The following VAC14 variants were observed in gnomAD, a reference collection of about 807,000 sequenced individuals.
VAC14 encodes protein VAC14 homolog.
VAC14 carries 47 observed loss-of-function variants against 85.3 expected under a neutral mutation model. The ratio of observed to expected loss-of-function variants is 0.55; its 90% CI spans 0.44 to 0.70. The LOEUF (loss-of-function observed/expected upper bound fraction) is 0.70. Ranked by LOEUF, VAC14 falls within the 30% of genes least tolerant of loss-of-function variation. VAC14 has a pLI of 0.00. For synonymous variants in VAC14, 447 were observed against 430.5 expected (o/e 1.04, Z -0.47); for missense variants, 861 against 1,004.3 (o/e 0.86, Z 1.93).
chr16:70,727,866 T>G (rs1198280370), intron 14 of VAC14, among the ~76,000 whole-genome samples: 4 of 152,214 alleles, frequency 2.6e-5, no homozygotes, highest in African/African-American at 9.7e-5. Context: ...CTGGAGCTGG[T>G]TGACAATGGC....
At position 70,690,032 on chromosome 16, in the gene VAC14, TGGCAAGCC is replaced by T. The variant is rs2053568860; in HGVS notation, c.2187-1950_2187-1943del. ...TGTGCGTTGCTCCCCATGACACTCCTGGCAAGCCAAGGCCTTAGGTTAGGGGAGCTTAG... is the reference window on the plus strand; with the variant it reads ...TGTGCGTTGCTCCCCATGACACTCCTAAGGCCTTAGGTTAGGGGAGCTTAG... On this transcript the variant is annotated intron_variant, in intron 18 of 18. Coordinates refer to ENST00000261776, the MANE Select transcript of VAC14 (RefSeq NM_018052.5). 6 of 985,252 alleles carry T rather than the reference TGGCAAGCC, an allele frequency of 6.1e-6. No individual in the cohort carries two copies. In the East Asian group the frequency reaches 6.8e-4, roughly 112 times the overall value. The allele number at this position is 985,252 out of a possible 1,614,324, so 61.0% of individuals were successfully genotyped here.
chr16:70,796,306 A>G (rs1377165426), intron 1 of VAC14, among the ~76,000 whole-genome samples: 1 of 152,178 alleles, frequency 6.6e-6, no homozygotes, highest in Non-Finnish European at 1.5e-5. Context: ...AGTGTCTGAG[A>G]GGCCTGTCAT....
At position 70,728,367 on chromosome 16, in the gene VAC14, C is replaced by T. The variant is rs942969095; in HGVS notation, c.1661+3128G>A. On this transcript the variant is annotated intron_variant, in intron 14 of 18. Transcript: ENST00000261776. ...CTCCCACACAGAAGGGACAAAGTGGCGGCTGCTGAATTAGCAGAGTGCAGG... is the reference window on the plus strand; with the variant it reads ...CTCCCACACAGAAGGGACAAAGTGGTGGCTGCTGAATTAGCAGAGTGCAGG... Among the ~76,000 whole-genome samples, 15 of 152,186 alleles carry T rather than the reference C, an allele frequency of 9.9e-5. No individual in the cohort carries two copies. The East Asian group carries it at 2.5e-3, about 25-fold the overall frequency.
intron 14 of VAC14, among the ~76,000 whole-genome samples, chr16:70,720,811 T>A (rs529284743): frequency 6.6e-6 from 1 of 152,266 alleles, no homozygotes; most frequent in East Asian, 1.9e-4. Context: ...GAGCTGGAGC[T>A]CAAGACTGGG....
chr16:70,774,477 G>A (rs2033412089), intron 9 of VAC14, among the ~76,000 whole-genome samples: 1 of 152,058 alleles, frequency 6.6e-6, no homozygotes, highest in African/African-American at 2.4e-5. Flanking sequence ...GTGTCTGCTG[G>A]GTTTCTCCCC....
chr16:70,800,782 C>T lies in VAC14; in HGVS notation c.104+15G>A, dbSNP rs745478672. ...AGGGGCTGCATAGCCAGGGAGGGGT[C>T]CTGGCGGCTCTTACTTCTCGATCTC... On this transcript the variant is annotated intron_variant, in intron 1 of 18. Transcript: ENST00000261776. The T allele has an allele frequency of 1.2e-6, 2 of 1,607,482 alleles. No homozygotes were observed.
intron 9 of VAC14, among the ~76,000 whole-genome samples, chr16:70,778,237 C>T (rs531300087): frequency 1.5e-4 from 23 of 152,244 alleles, no homozygotes; most frequent in Non-Finnish European, 2.1e-4. Flanking sequence ...CAAACCCGGG[C>T]CTCCCGCGTG....
chr16:70,756,610 C>T (rs374726365), intron 12 of VAC14, among the ~76,000 whole-genome samples: 31 of 152,268 alleles, frequency 2.0e-4, no homozygotes, highest in African/African-American at 4.8e-4. Context: ...GCGCCCCATT[C>T]CTCTCCCCTC....
chr16:70,798,641 G>T (rs1368266226), intron 1 of VAC14, among the ~76,000 whole-genome samples: 2 of 152,152 alleles, frequency 1.3e-5, no homozygotes, highest in Non-Finnish European at 2.9e-5. Flanking sequence ...GGTCTTTGAG[G>T]CCAGTGCTTC....
At chr16:70,749,132 A>G (rs937282583) in intron 12 of VAC14, among the ~76,000 whole-genome samples, 7 of 152,352 alleles carry the variant, frequency 4.6e-5, no homozygotes, top group Admixed American at 2.0e-4. Flanking sequence ...GGCACACAAG[A>G]AAGGCTGGCT....
intron 10 of VAC14, among the ~76,000 whole-genome samples, chr16:70,765,216 G>A (rs1242024320): frequency 6.6e-6 from 1 of 152,212 alleles, no homozygotes; most frequent in Non-Finnish European, 1.5e-5. Context: ...CCCGTGCCTG[G>A]CAAATCACTG....
Position 70,744,508 on chromosome 16 carries a change from G to A in VAC14, c.1443C>T (p.Gly481=). The change falls in exon 13 of 19, where the codon GGC becomes GGT. Residue 481 remains glycine (G), a synonymous_variant. Coordinates refer to ENST00000261776, the MANE Select transcript of VAC14 (RefSeq NM_018052.5). ...SSPAGQTDDP[G]PLDGPDLQAS... is the part of the protein sequence containing the mutation. Reference sequence around the variant, plus strand: ...CCTGGAGGTCAGGGCCATCGAGGGGGCCTGGGTCATCCGTCTGGCCTGCGG... The same window carrying A: ...CCTGGAGGTCAGGGCCATCGAGGGGACCTGGGTCATCCGTCTGGCCTGCGG... 1 of 1,613,516 alleles carries A rather than the reference G, an allele frequency of 6.2e-7. No homozygotes were observed. The highest frequency in any genetic ancestry group is 1.1e-5 in the South Asian group (1 of 91,038).
chr16:70,800,298 A>G (rs1451416537), intron 1 of VAC14, among the ~76,000 whole-genome samples: 1 of 152,252 alleles, frequency 6.6e-6, no homozygotes, highest in Non-Finnish European at 1.5e-5. Context: ...TAACACAGAT[A>G]AAACAAAAAA....
intron 14 of VAC14, among the ~76,000 whole-genome samples, chr16:70,707,224 C>T (rs1000678301): frequency 1.3e-5 from 2 of 152,270 alleles, no homozygotes; most frequent in East Asian, 1.9e-4. Flanking sequence ...AATCAATCCT[C>T]GGCAGTGTGC....
Position 70,783,956 on chromosome 16 carries a change from G to T in VAC14, c.594+157C>A, listed in dbSNP as rs764822812. Among the ~76,000 whole-genome samples, 5 of 152,206 alleles carry T rather than the reference G, an allele frequency of 3.3e-5. No homozygotes were observed. In the South Asian group the frequency reaches 1.0e-3, roughly 32 times the overall value. The stretch of plus-strand genomic sequence containing the variant: ...AGGGCCAACATGGTGGGTTTCGGGG[G>T]CAAAGCTGAATAAGGTGTTTTTGAA... On this transcript the variant is annotated intron_variant, in intron 5 of 18. Coordinates refer to ENST00000261776, the MANE Select transcript of VAC14 (RefSeq NM_018052.5).
At position 70,777,092 on chromosome 16, in the gene VAC14, C is replaced by A. The variant is rs532464127; in HGVS notation, c.1096+3698G>T. Among the ~76,000 whole-genome samples the A allele has an allele frequency of 3.3e-5, 5 of 151,804 alleles. No homozygotes were observed. The East Asian group carries it at 9.7e-4, about 30-fold the overall frequency. ...AAAGTGCTGGGATTACAGGTGTGAG[C>A]CACCGCGTCTGGCCCCTAATTTTTG... On this transcript the variant is annotated intron_variant, in intron 9 of 18. Transcript: ENST00000261776.
intron 14 of VAC14, chr16:70,699,199 G>A: frequency 4.6e-6 from 1 of 219,222 alleles, no homozygotes; most frequent in South Asian, 8.0e-5. Context: ...GTCCCCTGCT[G>A]GGCTTTCTTC....
chr16:70,690,677 A>G, intron 18 of VAC14: 1 of 985,392 alleles, frequency 1.0e-6, no homozygotes, highest in Non-Finnish European at 1.2e-6. Context: ...CCGCAACTCG[A>G]CCCTGTCTGC....
At chr16:70,691,701 T>A in intron 18 of VAC14, 1 of 985,392 alleles carries the variant, frequency 1.0e-6, no homozygotes, top group Non-Finnish European at 1.2e-6. Flanking sequence ...CGGTCTTGGT[T>A]GGGGCCACAC....
Sources: gnomAD v4.1 joint callset for allele counts (sites outside exome capture counted in the v4.1 genomes callset) on GRCh38, gnomAD v4.1.1 for gene constraint, MANE v1.5 for transcripts, NCBI Gene and HGNC (gene_info 2026-07-23, HGNC 2026-07-21) for gene names.